PHF14: variants seen among roughly 807,000 people sequenced by gnomAD.
PHF14 encodes the protein PHD finger protein 14.
Under a neutral mutation model 117.9 loss-of-function variants are expected in PHF14, and 55 were observed. The observed-to-expected ratio is 0.47, with a 90% CI of 0.38 to 0.58. The LOEUF is 0.58. Among genes scored for constraint, PHF14 ranks in the 20% least tolerant of loss-of-function variants. The probability of loss-of-function intolerance (pLI) is 0.00; values close to 1 mark genes in which losing one functional copy is unlikely to be tolerated. For synonymous variants in PHF14, 409 were observed against 368.6 expected (o/e 1.11, Z -1.26); for missense variants, 978 against 1,122.2 (o/e 0.87, Z 1.84).
At chr7:11,162,474 A>AT (rs1196344906) in intron 17 of PHF14, among the ~76,000 whole-genome samples, 2 of 152,062 alleles carry the variant, frequency 1.3e-5, no homozygotes, top group Non-Finnish European at 2.9e-5. Context: ...TAGAATTGGG[A>AT]TTGTGCCCAT....
chr7:11,108,168 C>T (rs528926174), intron 16 of PHF14: 2 of 151,568 alleles, frequency 1.3e-5, no homozygotes, highest in Non-Finnish European at 3.0e-5. Context: ...TCACTTGTGT[C>T]CAGTAAGATG....
chr7:11,048,391 G>A (rs1583410527), intron 13 of PHF14, among the ~76,000 whole-genome samples: 1 of 152,068 alleles, frequency 6.6e-6, no homozygotes, highest in Non-Finnish European at 1.5e-5. Flanking sequence ...GGCCAACATG[G>A]TGAAACCCCA....
At chr7:11,124,538 G>A (rs1787863578) in intron 17 of PHF14, among the ~76,000 whole-genome samples, 1 of 151,928 alleles carries the variant, frequency 6.6e-6, no homozygotes, top group African/African-American at 2.4e-5. Flanking sequence ...CATTTTCTAA[G>A]CATTTAAAAT....
chr7:11,102,546 C>G (rs747269671), intron 16 of PHF14: 63 of 1,610,638 alleles, frequency 3.9e-5, no homozygotes, highest in Non-Finnish European at 5.3e-5. Flanking sequence ...CCGGAAACCT[C>G]TTTTATAAGT....
At chr7:11,096,993 T>C (rs1029415348) in intron 16 of PHF14, among the ~76,000 whole-genome samples, 6 of 151,058 alleles carry the variant, frequency 4.0e-5, no homozygotes, top group Admixed American at 1.3e-4. Context: ...TTTTTTTTTT[T>C]TTTGAGACGG....
At chr7:10,991,693 G>T (rs567621458) in intron 4 of PHF14, among the ~76,000 whole-genome samples, 8 of 150,164 alleles carry the variant, frequency 5.3e-5, no homozygotes, top group Non-Finnish European at 8.9e-5. Flanking sequence ...TTAAAGGTCG[G>T]TGTTCTGGTA....
intron 4 of PHF14, among the ~76,000 whole-genome samples, chr7:10,992,519 C>T (rs1188203509): frequency 4.6e-5 from 7 of 151,566 alleles, no homozygotes; most frequent in South Asian, 2.1e-4. Context: ...AAAAATTAGC[C>T]GGGCGTGGTG....
chr7:11,147,426 A>G (rs889740557), intron 17 of PHF14, among the ~76,000 whole-genome samples: 2 of 152,120 alleles, frequency 1.3e-5, no homozygotes, highest in African/African-American at 4.8e-5. Flanking sequence ...AGTGCAAAAT[A>G]GCATCTCTCA....
chr7:11,006,010 T>C (rs1202801298), intron 4 of PHF14, among the ~76,000 whole-genome samples: 1 of 152,042 alleles, frequency 6.6e-6, no homozygotes, highest in African/African-American at 2.4e-5. Context: ...GCCAGGTTGG[T>C]CTCGATCTCC....
At chr7:11,104,867 A>T in intron 16 of PHF14, 1 of 955,064 alleles carries the variant, frequency 1.0e-6, no homozygotes, top group Non-Finnish European at 1.2e-6. Flanking sequence ...AACCATTCAT[A>T]GGTAGTATTT....
intron 16 of PHF14, among the ~76,000 whole-genome samples, chr7:11,075,986 A>G (rs1785834806): frequency 1.3e-5 from 2 of 152,170 alleles, no homozygotes; most frequent in African/African-American, 4.8e-5. Context: ...TAAAAAAGTA[A>G]AAATTAGCCG....
At chr7:11,063,074 G>A in intron 16 of PHF14, 1 of 870,416 alleles carries the variant, frequency 1.1e-6, no homozygotes, top group East Asian at 1.2e-4. Flanking sequence ...ATTAAAATAT[G>A]TCTTAATTTC....
At chr7:11,014,450 G>C (rs1783455456) in intron 5 of PHF14, among the ~76,000 whole-genome samples, 1 of 152,152 alleles carries the variant, frequency 6.6e-6, no homozygotes, top group Admixed American at 6.5e-5. Flanking sequence ...TCCTACCCTA[G>C]GTTGGGGTTC....
intron 17 of PHF14, among the ~76,000 whole-genome samples, chr7:11,144,434 A>G (rs1238679408): frequency 6.6e-6 from 1 of 151,754 alleles, no homozygotes; most frequent in East Asian, 1.9e-4. Flanking sequence ...TTGCAGCACT[A>G]TAATATGTAA....
At chr7:11,054,524 C>T (rs760634810) in intron 14 of PHF14, among the ~76,000 whole-genome samples, 2 of 151,942 alleles carry the variant, frequency 1.3e-5, no homozygotes, top group Non-Finnish European at 2.9e-5. Context: ...CTTGATCTTA[C>T]CATTTATGCT....
chr7:11,118,658 C>A (rs1399076076), intron 17 of PHF14, among the ~76,000 whole-genome samples: 1 of 151,608 alleles, frequency 6.6e-6, no homozygotes, highest in African/African-American at 2.4e-5. Flanking sequence ...TTTCTGAAAC[C>A]TATTTCTAGA....
intron 8 of PHF14, 149 bp from the exon 9 acceptor site, chr7:11,036,269 C>A: frequency 1.5e-6 from 1 of 662,562 alleles, no homozygotes; most frequent in South Asian, 2.0e-5. Flanking sequence ...TACAGTATAC[C>A]TTAAGGATCA....
chr7:11,076,336 A>G (rs1785848268), intron 16 of PHF14, among the ~76,000 whole-genome samples: 1 of 152,076 alleles, frequency 6.6e-6, no homozygotes, highest in Admixed American at 6.6e-5. Context: ...TCTTTATTTT[A>G]TGGTTTTCAA....
rs966045733 is a variant in PHF14, at chr7:11,031,223, A to G, written c.1455+2405A>G. ...AAAAAGGTTGAAAAATAGAATAAAC[A>G]TATCAGTTTCATCTAATGACATTGT... On this transcript the variant is annotated intron_variant, in intron 7 of 17. Transcript: ENST00000634607. 3.9e-5 allele frequency among the ~76,000 whole-genome samples: 6 copies of G among 152,174 alleles called. No individual in the cohort carries two copies. The East Asian group carries it at 7.7e-4, about 20-fold the overall frequency.
Sources: allele counts gnomAD v4.1 joint callset (sites outside exome capture counted in the v4.1 genomes callset), GRCh38; gene constraint gnomAD v4.1.1; transcripts MANE v1.5; gene names NCBI Gene and HGNC (gene_info 2026-07-23, HGNC 2026-07-21).